Variants in FAM241A observed in about 807,000 individuals in gnomAD.
FAM241A encodes family with sequence similarity 241 member A.
A neutral mutation model predicts 12.2 loss-of-function variants in FAM241A; 7 were observed. The ratio of observed to expected loss-of-function variants is 0.58; its 90% CI spans 0.33 to 1.08. The LOEUF is 1.08. Ranked by LOEUF, FAM241A falls within the 50% of genes least tolerant of loss-of-function variation. The pLI is 0.04. For missense variants in FAM241A, 161 were observed against 169.7 expected, an observed-to-expected ratio of 0.95 and a Z score of 0.29; for synonymous variants, 74 against 68.2, an observed-to-expected ratio of 1.08 and a Z score of -0.42.
At chr4:112,154,614 G>C (rs1723314794) in intron 1 of FAM241A, among the ~76,000 whole-genome samples, 1 of 152,124 alleles carries the variant, frequency 6.6e-6, no homozygotes, top group Non-Finnish European at 1.5e-5. Context: ...GTAGCATCTA[G>C]CATATTGTCC....
At chr4:112,181,133 T>C (rs1723934621) in intron 1 of FAM241A, among the ~76,000 whole-genome samples, 2 of 152,172 alleles carry the variant, frequency 1.3e-5, no homozygotes, top group Non-Finnish European at 2.9e-5. Flanking sequence ...TCTCTGGAAC[T>C]GAGTAGGTAG....
chr4:112,173,775 C>T (rs1016463673), intron 1 of FAM241A, among the ~76,000 whole-genome samples: 1 of 152,098 alleles, frequency 6.6e-6, no homozygotes, highest in Non-Finnish European at 1.5e-5. Context: ...ATACAGCGTC[C>T]TCTGATTCAG....
intron 1 of FAM241A, among the ~76,000 whole-genome samples, chr4:112,174,166 C>G (rs755599046): frequency 3.3e-5 from 5 of 152,204 alleles, no homozygotes; most frequent in Non-Finnish European, 4.4e-5. Flanking sequence ...TAACCAGTCT[C>G]TAAGCGAGGC....
rs1292549588 is a variant in FAM241A at position 112,188,204 on chromosome 4, T to G, written c.*1266T>G. ...TCAAAGATTATAAAGGAAAGGGGGG[T>G]AGTTAAGATTTAGAATTCAAGTTAA... On this transcript the variant is annotated 3_prime_UTR_variant, in exon 2 of 2. Coordinates refer to ENST00000309733, the MANE Select transcript of FAM241A (RefSeq NM_152400.3). The G allele has an allele frequency of 1.3e-5, 2 of 151,626 alleles. No individual in the cohort carries two copies. The highest frequency in any genetic ancestry group is 1.3e-4 in the Admixed American group (2 of 15,208). 9.4% of individuals were successfully genotyped at this position (151,626 alleles called of 1,614,324 possible).
At chr4:112,170,404 A>T (rs1473740683) in intron 1 of FAM241A, among the ~76,000 whole-genome samples, 1 of 152,232 alleles carries the variant, frequency 6.6e-6, no homozygotes, top group African/African-American at 2.4e-5. Context: ...TAAGAGATTA[A>T]CAACAATAAG....
At chr4:112,148,285 T>C (rs911239289) in intron 1 of FAM241A, among the ~76,000 whole-genome samples, 8 of 152,154 alleles carry the variant, frequency 5.3e-5, no homozygotes, top group Non-Finnish European at 1.0e-4. Flanking sequence ...GGAAAGCTCT[T>C]TCATCAGCTT....
intron 1 of FAM241A, among the ~76,000 whole-genome samples, chr4:112,179,591 G>A (rs1020490997): frequency 3.9e-5 from 6 of 151,926 alleles, no homozygotes; most frequent in African/African-American, 1.5e-4. Flanking sequence ...ATAGCATGAG[G>A]AGATATATCT....
chr4:112,161,880 C>A (rs1042869217), intron 1 of FAM241A, among the ~76,000 whole-genome samples: 4 of 152,108 alleles, frequency 2.6e-5, no homozygotes, highest in Non-Finnish European at 5.9e-5. Flanking sequence ...AGACCGATAC[C>A]CATGATGAAA....
At position 112,192,256 on chromosome 4, in the gene FAM241A, C is replaced by T. The variant is rs368888093; in HGVS notation, c.*5318C>T. The T allele has an allele frequency of 5.9e-5, 9 of 152,214 alleles. No individual in the cohort carries two copies. The East Asian group carries it at 1.3e-3, about 23-fold the overall frequency. 9.4% of individuals were successfully genotyped at this position (152,214 alleles called of 1,614,324 possible). On this transcript the variant is annotated 3_prime_UTR_variant, in exon 2 of 2. Transcript: ENST00000309733. ...CAAAAAGGATATTTTACAATACCTA[C>T]GGTCACTGATACTACCAGAACTTCA... is the stretch of plus-strand genomic sequence containing the variant.
chr4:112,180,837 A>G (rs1046769953), intron 1 of FAM241A, among the ~76,000 whole-genome samples: 1 of 152,190 alleles, frequency 6.6e-6, no homozygotes, highest in Non-Finnish European at 1.5e-5. Flanking sequence ...TCCTGCCAAC[A>G]TGACTTCTAA....
intron 1 of FAM241A, among the ~76,000 whole-genome samples, chr4:112,147,282 C>G (rs1203902851): frequency 2.0e-5 from 3 of 152,166 alleles, no homozygotes; most frequent in African/African-American, 7.2e-5. Context: ...AAAGTTCATT[C>G]TCCTGTACTC....
At chr4:112,148,053 T>C (rs1373823049) in intron 1 of FAM241A, among the ~76,000 whole-genome samples, 1 of 152,192 alleles carries the variant, frequency 6.6e-6, no homozygotes, top group East Asian at 1.9e-4. Context: ...ACCTGACTTG[T>C]GCTCCTCTAG....
intron 1 of FAM241A, among the ~76,000 whole-genome samples, chr4:112,163,770 A>G (rs529068398): frequency 6.6e-6 from 1 of 152,348 alleles, no homozygotes; most frequent in East Asian, 1.9e-4. Context: ...TCAAGGATCT[A>G]GAACTAGAAA....
Position 112,186,722 on chromosome 4 carries a change from T to G in FAM241A, c.183T>G (p.Gly61=), listed in dbSNP as rs1578381112. The G allele has an allele frequency of 6.2e-7, 1 of 1,613,670 alleles. No individual in the cohort carries two copies. Among genetic ancestry groups the G allele is most frequent in the South Asian group, 1.1e-5 (1 of 91,058 alleles). Reference sequence around the variant, plus strand: ...TTGAAGACTCACAGAACCACACTGGTGAGCCGGTTGGAGATGACTACAAGA... The same window carrying G: ...TTGAAGACTCACAGAACCACACTGGGGAGCCGGTTGGAGATGACTACAAGA... ...QDVEDSQNHT[G]EPVGDDYKKM... The change falls in exon 2 of 2, where the codon GGT becomes GGG. Residue 61 remains glycine (G), a synonymous_variant. Coordinates refer to ENST00000309733, the MANE Select transcript of FAM241A (RefSeq NM_152400.3).
At position 112,187,119 on chromosome 4, in the gene FAM241A, G is replaced by A. The variant is rs1724063979; in HGVS notation, c.*181G>A. 3 of 635,936 alleles carry A rather than the reference G, an allele frequency of 4.7e-6. No individual in the cohort carries two copies. Among genetic ancestry groups the A allele is most frequent in the Non-Finnish European group, 8.0e-6 (3 of 374,438 alleles). The allele number at this position is 635,936 out of a possible 1,614,324, so 39.4% of individuals were successfully genotyped here. On this transcript the variant is annotated 3_prime_UTR_variant, in exon 2 of 2. Coordinates refer to ENST00000309733, the MANE Select transcript of FAM241A (RefSeq NM_152400.3). ...CTAAACTCTTGATCATAACAGGGTTGAATATATATTTTGAATATACATTAG... is the reference window on the plus strand; with the variant it reads ...CTAAACTCTTGATCATAACAGGGTTAAATATATATTTTGAATATACATTAG...
At chr4:112,167,492 T>C (rs1303371761) in intron 1 of FAM241A, among the ~76,000 whole-genome samples, 1 of 152,196 alleles carries the variant, frequency 6.6e-6, no homozygotes, top group Non-Finnish European at 1.5e-5. Context: ...GTACTGGGCA[T>C]GTTGAATTTG....
At chr4:112,177,267 T>TA (rs1723841933) in intron 1 of FAM241A, among the ~76,000 whole-genome samples, 1 of 150,206 alleles carries the variant, frequency 6.7e-6, no homozygotes, top group Non-Finnish European at 1.5e-5. Context: ...TTTTGCTGTG[T>TA]AAAATGTATT....
rs1359639017 is a variant in FAM241A, at chr4:112,192,579, G to T, written c.*5641G>T. On this transcript the variant is annotated 3_prime_UTR_variant, in exon 2 of 2. Coordinates refer to ENST00000309733, the MANE Select transcript of FAM241A (RefSeq NM_152400.3). ...TTCTCATTGTTCAATTCCCATCTAT[G>T]AGTGAGAACATGTGGTGTTTGGTTT... The T allele has an allele frequency of 6.8e-6, 1 of 146,974 alleles. No individual in the cohort carries two copies. Among genetic ancestry groups the T allele is most frequent in the Non-Finnish European group, 1.5e-5 (1 of 67,420 alleles). The allele number at this position is 146,974 out of a possible 1,614,324, so 9.1% of individuals were successfully genotyped here.
rs189746903 is a variant in FAM241A, at chr4:112,147,428, C to T, written c.153+1695C>T. 4.6e-3 allele frequency among the ~76,000 whole-genome samples: 695 copies of T among 152,254 alleles called. 8 individuals carry two copies. The highest frequency in any genetic ancestry group is 0.016 in the African/African-American group (651 of 41,564). ...ACATTAGCACCAAAGAAGAATTAGTCAAGAAGACAAAAATAAGCAAAAAAT... is the reference window on the plus strand; with the variant it reads ...ACATTAGCACCAAAGAAGAATTAGTTAAGAAGACAAAAATAAGCAAAAAAT... On this transcript the variant is annotated intron_variant, in intron 1 of 1. Coordinates refer to ENST00000309733, the MANE Select transcript of FAM241A (RefSeq NM_152400.3).
Sources: gnomAD v4.1 joint callset for allele counts (sites outside exome capture counted in the v4.1 genomes callset) on GRCh38, gnomAD v4.1.1 for gene constraint, MANE v1.5 for transcripts, NCBI Gene and HGNC (gene_info 2026-07-23, HGNC 2026-07-21) for gene names.